The following ANKFN1 variants were observed in gnomAD, a reference collection of about 807,000 sequenced individuals.
The protein encoded by ANKFN1 is ankyrin repeat and fibronectin type-III domain-containing protein 1.
In ANKFN1, 74 loss-of-function variants were observed where a neutral mutation model predicts 108.7. The ratio of observed to expected loss-of-function variants is 0.68; its 90% confidence interval spans 0.56 to 0.83. ANKFN1 has a LOEUF of 0.83. Among genes scored for constraint, ANKFN1 ranks in the 40% least tolerant of loss-of-function variants. The pLI is 0.00. For synonymous variants in ANKFN1, 547 were observed against 516.2 expected (o/e 1.06, Z -0.81); for missense variants, 1,505 against 1,382.3 (o/e 1.09, Z -1.41).
chr17:56,205,458 C>T (rs1415569407), intron 1 of ANKFN1, among the ~76,000 whole-genome samples: 1 of 152,204 alleles, frequency 6.6e-6, no homozygotes, highest in Non-Finnish European at 1.5e-5. Flanking sequence ...CTGCTCTCTG[C>T]AAAGTTACTC....
At chr17:56,332,702 C>A (rs2045697644) in intron 4 of ANKFN1, among the ~76,000 whole-genome samples, 1 of 152,002 alleles carries the variant, frequency 6.6e-6, no homozygotes, top group African/African-American at 2.4e-5. Context: ...TTAATCTAAT[C>A]CTGTATGTCT....
chr17:56,382,260 C>G (rs566366879), intron 8 of ANKFN1, among the ~76,000 whole-genome samples: 1 of 152,220 alleles, frequency 6.6e-6, no homozygotes, highest in African/African-American at 2.4e-5. Flanking sequence ...AAATAAAATA[C>G]TTACAGACAA....
At chr17:56,210,228 A>G (rs565059223) in intron 1 of ANKFN1, among the ~76,000 whole-genome samples, 6 of 152,306 alleles carry the variant, frequency 3.9e-5, no homozygotes, top group African/African-American at 1.4e-4. Flanking sequence ...TCTTTTTTGC[A>G]TAATGACTTC....
At chr17:56,385,836 G>A (rs2047248769) in intron 8 of ANKFN1, among the ~76,000 whole-genome samples, 1 of 152,186 alleles carries the variant, frequency 6.6e-6, no homozygotes, top group African/African-American at 2.4e-5. Flanking sequence ...TGCTGGAGAG[G>A]ATGTGGAGAA....
chr17:56,310,622 AAAAAAAG>A (rs1161348699), intron 3 of ANKFN1, among the ~76,000 whole-genome samples: 43 of 152,098 alleles, frequency 2.8e-4, no homozygotes, highest in African/African-American at 8.7e-4. Context: ...ATCTCAAAAA[AAAAAAAG>A]AAAAAAAGAA....
At chr17:56,345,584 C>A (rs2046076989) in intron 4 of ANKFN1, among the ~76,000 whole-genome samples, 1 of 152,030 alleles carries the variant, frequency 6.6e-6, no homozygotes. Flanking sequence ...TAATTGTCAT[C>A]CTAAATGGCA....
chr17:56,443,122 A>G (rs2049168285), intron 10 of ANKFN1, among the ~76,000 whole-genome samples, 189 bp downstream of exon 10: 1 of 152,198 alleles, frequency 6.6e-6, no homozygotes, highest in African/African-American at 2.4e-5. Flanking sequence ...TCAGTGGAGT[A>G]AAAGGAGAGG....
chr17:56,284,292 A>T (rs1054012726), intron 3 of ANKFN1, among the ~76,000 whole-genome samples: 2 of 152,216 alleles, frequency 1.3e-5, no homozygotes, highest in African/African-American at 4.8e-5. Context: ...AATAGACTTA[A>T]TTGTTACAAA....
chr17:56,435,314 T>A (rs1349929823), intron 8 of ANKFN1, among the ~76,000 whole-genome samples: 2 of 152,194 alleles, frequency 1.3e-5, no homozygotes, highest in Non-Finnish European at 2.9e-5. Flanking sequence ...TAATCAGACA[T>A]GGTCCTTGCC....
At chr17:56,061,561 C>G (rs1244976228) in intron 4 of ANKFN1, among the ~76,000 whole-genome samples, 1 of 152,146 alleles carries the variant, frequency 6.6e-6, no homozygotes, top group Non-Finnish European at 1.5e-5. Context: ...GCATGAGCCA[C>G]CACACCCAGC....
At chr17:56,198,521 A>G (rs1359090960) in intron 1 of ANKFN1, among the ~76,000 whole-genome samples, 2 of 152,082 alleles carry the variant, frequency 1.3e-5, no homozygotes, top group Admixed American at 1.3e-4. Flanking sequence ...TTCCTAATAG[A>G]CCACCCACCA....
At chr17:56,382,001 G>C (rs980613646) in intron 8 of ANKFN1, among the ~76,000 whole-genome samples, 1 of 152,102 alleles carries the variant, frequency 6.6e-6, no homozygotes, top group Non-Finnish European at 1.5e-5. Flanking sequence ...CACCAAAGTT[G>C]AAATGAAGGA....
upstream of ANKFN1, among the ~76,000 whole-genome samples, chr17:56,150,374 G>A (rs1908524132): frequency 6.6e-6 from 1 of 152,150 alleles, no homozygotes; most frequent in Admixed American, 6.5e-5. Flanking sequence ...AGCTGGAGCT[G>A]GGTTACCGAT....
rs546570844 is a variant in ANKFN1, at chr17:56,203,147, A to G, written c.-70-9451A>G. Reference sequence around the variant, plus strand: ...AATACTCTCTCTCTTAATTCATACCATGATATAGGTAATCTACTGTAAGTT... The same window carrying G: ...AATACTCTCTCTCTTAATTCATACCGTGATATAGGTAATCTACTGTAAGTT... On this transcript the variant is annotated intron_variant, in intron 1 of 20. Coordinates refer to ENST00000682825, the MANE Select transcript of ANKFN1 (RefSeq NM_001370326.1). Among the ~76,000 whole-genome samples, 3 of 152,294 alleles carry G rather than the reference A, an allele frequency of 2.0e-5. No individual in the cohort carries two copies. In the East Asian group the frequency reaches 5.8e-4, roughly 29 times the overall value.
chr17:56,508,678 C>A (rs1039870302), intron 20 of ANKFN1, among the ~76,000 whole-genome samples: 16 of 152,142 alleles, frequency 1.1e-4, no homozygotes, highest in Admixed American at 2.0e-4. Flanking sequence ...TAGAGTATTT[C>A]ATCAATCCTG....
chr17:56,116,265 C>T (rs1407859287), intron 4 of ANKFN1, among the ~76,000 whole-genome samples: 1 of 152,124 alleles, frequency 6.6e-6, no homozygotes, highest in Admixed American at 6.6e-5. Context: ...TGTGGTATTT[C>T]ATGCCTTCCA....
At chr17:56,447,872 A>AG (rs1281910339) in intron 10 of ANKFN1, among the ~76,000 whole-genome samples, 1 of 152,204 alleles carries the variant, frequency 6.6e-6, no homozygotes, top group African/African-American at 2.4e-5. Flanking sequence ...ACACTGAGCT[A>AG]GGAATTGTAG....
At chr17:56,154,647 A>G (rs1908921870) in intron 1 of ANKFN1, among the ~76,000 whole-genome samples, 1 of 151,952 alleles carries the variant, frequency 6.6e-6, no homozygotes, top group South Asian at 2.1e-4. Context: ...AACACCAAAA[A>G]AAAAAAAAAA....
intron 3 of ANKFN1, among the ~76,000 whole-genome samples, chr17:56,306,132 A>C (rs1342381361): frequency 6.6e-6 from 1 of 152,158 alleles, no homozygotes; most frequent in East Asian, 1.9e-4. Context: ...TGTTTTAGCT[A>C]TTCTGGTTCG....
Sources: allele counts gnomAD v4.1 joint callset (sites outside exome capture counted in the v4.1 genomes callset), GRCh38; gene constraint gnomAD v4.1.1; transcripts MANE v1.5; gene names NCBI Gene and HGNC (gene_info 2026-07-23, HGNC 2026-07-21).